VTI1A: variants seen among roughly 807,000 people sequenced by gnomAD.
The protein encoded by VTI1A is vesicle transport through interaction with t-SNAREs homolog 1A.
A neutral mutation model predicts 34.9 loss-of-function variants in VTI1A; 22 were observed. The observed-to-expected ratio is 0.63, with a 90% CI of 0.45 to 0.90. The LOEUF (loss-of-function observed/expected upper bound fraction) is 0.90, where lower values mean the gene tolerates loss of function less well. Among genes scored for constraint, VTI1A ranks in the 40% least tolerant of loss-of-function variants. The pLI is 0.00. For missense variants in VTI1A, 268 were observed against 275.6 expected (o/e 0.97, Z 0.20); for synonymous variants, 87 against 97.3 (o/e 0.89, Z 0.62).
At chr10:112,845,261 T>G in the VTI1A span, among the ~76,000 whole-genome samples, 1 of 152,044 alleles carries the variant, frequency 6.6e-6, no homozygotes, top group Non-Finnish European at 1.5e-5. Flanking sequence ...TCTGCACAAG[T>G]TGGGGCAGGA....
chr10:112,502,468 A>G (rs1017008387), intron 3 of VTI1A, among the ~76,000 whole-genome samples: 3 of 152,230 alleles, frequency 2.0e-5, no homozygotes, highest in African/African-American at 7.2e-5. Context: ...AAAAAGAAAG[A>G]CATTAAATCA....
At chr10:112,654,555 C>T (rs187302334) in intron 5 of VTI1A, among the ~76,000 whole-genome samples, 145 of 152,246 alleles carry the variant, frequency 9.5e-4, no homozygotes, top group African/African-American at 3.3e-3. Context: ...TGCATTGGCA[C>T]AGTCTCGACT....
chr10:112,563,618 CAG>C (rs1784846761), intron 5 of VTI1A, among the ~76,000 whole-genome samples: 1 of 152,110 alleles, frequency 6.6e-6, no homozygotes, highest in Admixed American at 6.6e-5. Flanking sequence ...GAAATGCAAA[CAG>C]AAAATAGTGT....
intron 7 of VTI1A, among the ~76,000 whole-genome samples, chr10:112,720,758 C>T (rs1450670359): frequency 6.6e-6 from 1 of 152,106 alleles, no homozygotes; most frequent in Non-Finnish European, 1.5e-5. Flanking sequence ...TATTAGTGGT[C>T]CCAGAAGCAT....
chr10:112,503,047 T>C lies in VTI1A; in HGVS notation c.265-24040T>C, dbSNP rs558554494. Among the ~76,000 whole-genome samples, 6 of 152,332 alleles carry C rather than the reference T, an allele frequency of 3.9e-5. No homozygotes were observed. The South Asian group carries it at 1.2e-3, about 32-fold the overall frequency. ...ATTTTCAGGGTACATGTGATAATTT[T>C]ATATATTTATATAATCAAATCAGGG... On this transcript the variant is annotated intron_variant, in intron 3 of 7. Transcript: ENST00000393077.
chr10:112,577,603 C>G (rs1392676081), intron 5 of VTI1A, among the ~76,000 whole-genome samples: 1 of 152,060 alleles, frequency 6.6e-6, no homozygotes, highest in Non-Finnish European at 1.5e-5. Flanking sequence ...AAATAACATG[C>G]CAAGTAAAAA....
intron 7 of VTI1A, among the ~76,000 whole-genome samples, chr10:112,687,479 C>T (rs777930120): frequency 5.9e-5 from 9 of 151,434 alleles, no homozygotes; most frequent in Non-Finnish European, 1.2e-4. Context: ...GTGATCTGCC[C>T]GCCTCGGCCT....
chr10:112,646,654 G>T (rs529465507), intron 5 of VTI1A, among the ~76,000 whole-genome samples: 26 of 152,034 alleles, frequency 1.7e-4, no homozygotes, highest in South Asian at 1.5e-3. Flanking sequence ...GATTACAGGA[G>T]TGTGCCACCA....
intron 7 of VTI1A, among the ~76,000 whole-genome samples, chr10:112,748,401 T>TG (rs1468118382): frequency 6.6e-6 from 1 of 152,166 alleles, no homozygotes; most frequent in East Asian, 1.9e-4. Flanking sequence ...TTCGTACAGT[T>TG]GGGGACTCAT....
chr10:112,724,196 G>A (rs570434274), intron 7 of VTI1A, among the ~76,000 whole-genome samples: 5 of 152,234 alleles, frequency 3.3e-5, no homozygotes, highest in African/African-American at 7.2e-5. Context: ...CAAGTATGGT[G>A]TTATTGCCTT....
At chr10:112,567,710 A>T (rs1023765082) in intron 5 of VTI1A, among the ~76,000 whole-genome samples, 1 of 152,212 alleles carries the variant, frequency 6.6e-6, no homozygotes, top group Non-Finnish European at 1.5e-5. Flanking sequence ...TTGTAGAATA[A>T]CTGCGTGGTA....
chr10:112,770,446 A>AG (rs1851774289), intron 7 of VTI1A, among the ~76,000 whole-genome samples: 1 of 149,848 alleles, frequency 6.7e-6, no homozygotes, highest in African/African-American at 2.5e-5. Context: ...CCCAGGCTGG[A>AG]GTGCAGTGGC....
intron 7 of VTI1A, among the ~76,000 whole-genome samples, chr10:112,784,422 G>A (rs78534838): frequency 6.2e-4 from 94 of 152,346 alleles, no homozygotes; most frequent in African/African-American, 2.2e-3. Flanking sequence ...GCTGTTCAGT[G>A]TGGCCTTCAG....
At chr10:112,664,912 T>C (rs1308949925) in intron 5 of VTI1A, among the ~76,000 whole-genome samples, 1 of 152,214 alleles carries the variant, frequency 6.6e-6, no homozygotes, top group Non-Finnish European at 1.5e-5. Context: ...TTTCATTGCC[T>C]TGTTATGCTT....
chr10:112,782,521 G>A (rs930236505), intron 7 of VTI1A, among the ~76,000 whole-genome samples: 3 of 152,238 alleles, frequency 2.0e-5, no homozygotes, highest in Non-Finnish European at 4.4e-5. Context: ...TATTAGTGAA[G>A]TCTGGCTAAA....
chr10:112,761,965 C>T (rs988887139), intron 7 of VTI1A, among the ~76,000 whole-genome samples: 1 of 152,132 alleles, frequency 6.6e-6, no homozygotes, highest in Non-Finnish European at 1.5e-5. Flanking sequence ...TGATTTACAG[C>T]AGTCCTGGAC....
At chr10:112,520,390 TGCCTTTTGAA>T (rs1849970186) in intron 3 of VTI1A, among the ~76,000 whole-genome samples, 1 of 152,034 alleles carries the variant, frequency 6.6e-6, no homozygotes, top group African/African-American at 2.4e-5. Context: ...TAACTTATGT[TGCCTTTTGAA>T]ACATTCATGC....
intron 5 of VTI1A, among the ~76,000 whole-genome samples, chr10:112,582,216 A>T (rs1025190333): frequency 2.6e-5 from 4 of 151,632 alleles, no homozygotes; most frequent in African/African-American, 9.7e-5. Flanking sequence ...AGAGAAGGAC[A>T]CTCTCTCCTG....
At chr10:112,590,183 C>T (rs991051297) in intron 5 of VTI1A, among the ~76,000 whole-genome samples, 18 of 151,990 alleles carry the variant, frequency 1.2e-4, no homozygotes, top group Admixed American at 5.2e-4. Flanking sequence ...TTGGTAGCTA[C>T]TCAAAAGTTT....
Sources: gnomAD v4.1 joint callset for allele counts (sites outside exome capture counted in the v4.1 genomes callset) on GRCh38, gnomAD v4.1.1 for gene constraint, MANE v1.5 for transcripts, NCBI Gene and HGNC (gene_info 2026-07-23, HGNC 2026-07-21) for gene names.